The following TRPM3 variants were observed in gnomAD, a reference collection of about 807,000 sequenced individuals.
TRPM3 encodes the protein long transient receptor potential channel 3.
A neutral mutation model predicts 181.2 loss-of-function variants in TRPM3; 77 were observed. That is an observed-to-expected ratio of 0.42 (90% CI 0.35 to 0.51). TRPM3 has a LOEUF of 0.51. Among genes scored for constraint, TRPM3 ranks in the 20% least tolerant of loss-of-function variants. The pLI is 0.01. For missense variants in TRPM3, 1,759 were observed against 2,196.7 expected (o/e 0.80, Z 3.98); for synonymous variants, 745 against 796.4 (o/e 0.94, Z 1.09).
intron 1 of TRPM3, among the ~76,000 whole-genome samples, chr9:71,024,663 G>T (rs1389556003): frequency 6.6e-6 from 1 of 152,156 alleles, no homozygotes; most frequent in South Asian, 2.1e-4. Context: ...ATCACCTAGG[G>T]TTTTGTTAGG....
At chr9:70,845,020 A>C (rs1024200370) in intron 4 of TRPM3, among the ~76,000 whole-genome samples, 1 of 152,206 alleles carries the variant, frequency 6.6e-6, no homozygotes, top group Non-Finnish European at 1.5e-5. Flanking sequence ...TAAAGAGCTA[A>C]GCAGGTCATT....
chr9:71,247,007 G>A (rs2082070799), intron 1 of TRPM3, among the ~76,000 whole-genome samples: 1 of 152,156 alleles, frequency 6.6e-6, no homozygotes, highest in Non-Finnish European at 1.5e-5. Flanking sequence ...AGTCTACTGA[G>A]CTCCAAAAGT....
At chr9:70,645,725 A>G (rs1323967959) in intron 9 of TRPM3, among the ~76,000 whole-genome samples, 1 of 146,136 alleles carries the variant, frequency 6.8e-6, no homozygotes, top group Non-Finnish European at 1.5e-5. Flanking sequence ...TAATTAAACT[A>G]AAGAGCTTCT....
At chr9:70,921,808 G>C (rs896637023) in intron 1 of TRPM3, among the ~76,000 whole-genome samples, 5 of 152,028 alleles carry the variant, frequency 3.3e-5, no homozygotes, top group African/African-American at 1.2e-4. Context: ...AACAGAGAGC[G>C]GCCTCTTCCC....
chr9:71,048,418 C>T (rs912451251), intron 1 of TRPM3, among the ~76,000 whole-genome samples: 2 of 152,158 alleles, frequency 1.3e-5, no homozygotes, highest in Admixed American at 6.5e-5. Context: ...GGCTGAATGG[C>T]CACAAATCTT....
At chr9:71,010,407 AAAC>A (rs926353679) in intron 1 of TRPM3, among the ~76,000 whole-genome samples, 16 of 152,062 alleles carry the variant, frequency 1.1e-4, no homozygotes, top group Non-Finnish European at 1.6e-4. Context: ...CAAAAAAACA[AAAC>A]AACAACAACA....
chr9:70,771,879 A>G (rs1193429228), intron 7 of TRPM3, among the ~76,000 whole-genome samples: 1 of 152,090 alleles, frequency 6.6e-6, no homozygotes, highest in African/African-American at 2.4e-5. Flanking sequence ...GATTGTGTTT[A>G]TTACTTTTGT....
At chr9:71,027,111 T>C (rs1345496646) in intron 1 of TRPM3, among the ~76,000 whole-genome samples, 2 of 152,120 alleles carry the variant, frequency 1.3e-5, no homozygotes, top group Non-Finnish European at 2.9e-5. Flanking sequence ...GCCCCTCCAG[T>C]GCAGAAGGTT....
chr9:71,246,426 T>C (rs1189754049), intron 1 of TRPM3, among the ~76,000 whole-genome samples: 1 of 152,182 alleles, frequency 6.6e-6, no homozygotes, highest in East Asian at 1.9e-4. Context: ...TCAATAAAAT[T>C]ATTTAAGGTG....
At chr9:70,551,963 A>G (rs200538355) in intron 24 of TRPM3, among the ~76,000 whole-genome samples, 1 of 152,224 alleles carries the variant, frequency 6.6e-6, no homozygotes, top group East Asian at 1.9e-4. Flanking sequence ...AGAGCTTCAG[A>G]TTTAGAGAAG....
chr9:70,790,623 A>G (rs2085141249), intron 6 of TRPM3, among the ~76,000 whole-genome samples: 2 of 152,174 alleles, frequency 1.3e-5, no homozygotes, highest in Admixed American at 6.5e-5. Flanking sequence ...TAATGGCTGA[A>G]GTTTGCACAC....
At chr9:71,201,127 T>G (rs113411401) in intron 1 of TRPM3, among the ~76,000 whole-genome samples, 39,704 of 151,344 alleles carry the variant, frequency 0.26, 6,363 homozygotes, top group African/African-American at 0.44. Flanking sequence ...TCTCCTTCAC[T>G]TATGAAGCTT....
intron 1 of TRPM3, among the ~76,000 whole-genome samples, chr9:71,310,904 G>A (rs1399937966): frequency 6.6e-6 from 1 of 151,974 alleles, no homozygotes; most frequent in Non-Finnish European, 1.5e-5. Context: ...AAAGATGACA[G>A]TTAACTAAGA....
chr9:70,796,405 AC>A (rs2087038922), intron 6 of TRPM3, among the ~76,000 whole-genome samples: 1 of 152,224 alleles, frequency 6.6e-6, no homozygotes, highest in Non-Finnish European at 1.5e-5. Context: ...CTTTGTACCT[AC>A]TGAAAGAGAC....
At chr9:70,565,092 A>C (rs73649173) in intron 22 of TRPM3, among the ~76,000 whole-genome samples, 1,655 of 152,334 alleles carry the variant, frequency 0.011, 32 homozygotes, top group African/African-American at 0.037. Context: ...CTTAGAATCT[A>C]AGCAGCTGTT....
chr9:70,562,341 A>G (rs577645614), intron 22 of TRPM3, among the ~76,000 whole-genome samples: 31 of 152,320 alleles, frequency 2.0e-4, no homozygotes, highest in Non-Finnish European at 3.8e-4. Context: ...AGCCAACTGT[A>G]GGCCACTTGT....
chr9:71,032,038 A>G (rs1565023349), intron 1 of TRPM3, among the ~76,000 whole-genome samples: 1 of 1,212 alleles, frequency 8.3e-4, no homozygotes, highest in African/African-American at 6.8e-3. Context: ...ATATAAATAT[A>G]TATATATATA....
At chr9:70,573,562 T>A (rs1247626305) in intron 22 of TRPM3, among the ~76,000 whole-genome samples, 1 of 151,848 alleles carries the variant, frequency 6.6e-6, no homozygotes. Flanking sequence ...TCAATGTCAA[T>A]GATGCCCCTA....
chr9:70,797,181 G>A (rs574340975), intron 6 of TRPM3, among the ~76,000 whole-genome samples: 102 of 152,152 alleles, frequency 6.7e-4, no homozygotes, highest in Non-Finnish European at 8.4e-4. Flanking sequence ...TTATTTCCAC[G>A]TAAATTTTAA....
Sources: gnomAD v4.1 joint callset for allele counts (sites outside exome capture counted in the v4.1 genomes callset) on GRCh38, gnomAD v4.1.1 for gene constraint, MANE v1.5 for transcripts, NCBI Gene and HGNC (gene_info 2026-07-23, HGNC 2026-07-21) for gene names.